Variants in NPHP1 observed in about 807,000 individuals in gnomAD.
NPHP1 encodes nephrocystin-1.
A neutral mutation model predicts 90.4 loss-of-function variants in NPHP1; 70 were observed. The ratio of observed to expected loss-of-function variants is 0.77; its 90% confidence interval spans 0.64 to 0.95. The LOEUF is 0.95. Among genes scored for constraint, NPHP1 ranks in the 40% least tolerant of loss-of-function variants. The probability of loss-of-function intolerance (pLI) is 0.00; values close to 1 mark genes in which losing one functional copy is unlikely to be tolerated. For missense variants in NPHP1, 764 were observed against 795.9 expected, an observed-to-expected ratio of 0.96 and a Z score of 0.48; for synonymous variants, 256 against 271.7, an observed-to-expected ratio of 0.94 and a Z score of 0.57.
chr2:110,178,482 G>C lies in NPHP1; in HGVS notation c.270C>G (p.Asp90Glu). The change falls in exon 4 of 20, where the codon GAC (aspartate) becomes GAG (glutamate). Residue 90 changes from aspartate to glutamate, a missense_variant. Transcript: ENST00000445609. ...QRKEEEHTLL[D>E]KLTQQLQGLA... ...GGCCCTGCAGTTGTTGGGTAAGCTT[G>C]TCCAAAAGAGTATGCTCCTCTTCTT... The C allele has an allele frequency of 6.2e-7, 1 of 1,613,774 alleles. No individual in the cohort carries two copies. The highest frequency in any genetic ancestry group is 1.3e-5 in the African/African-American group (1 of 75,026).
chr2:110,124,241 CAG>C (rs1679194717), intron 19 of NPHP1, 178 bp from the exon 20 acceptor site: 1 of 692,652 alleles, frequency 1.4e-6, no homozygotes, highest in Non-Finnish European at 2.6e-6. Flanking sequence ...TGGAAGTGAG[CAG>C]AGTTACACAG....
intron 19 of NPHP1, 47 bp downstream of exon 19, chr2:110,125,590 A>T (rs372552107): frequency 1.7e-5 from 25 of 1,513,048 alleles, no homozygotes. Flanking sequence ...GCAAGCAAAC[A>T]CCAGGTACTG....
chr2:110,167,651 A>C (rs749787830), intron 6 of NPHP1, among the ~76,000 whole-genome samples: 3 of 152,148 alleles, frequency 2.0e-5, no homozygotes, highest in Non-Finnish European at 4.4e-5. Flanking sequence ...CTAGTAAATT[A>C]CTGAACCCCT....
intron 18 of NPHP1, chr2:110,127,204 T>G (rs998083099): frequency 6.6e-6 from 1 of 152,204 alleles, no homozygotes; most frequent in Non-Finnish European, 1.5e-5. Flanking sequence ...CAGCTACTTG[T>G]TCCAGATGGT....
In NPHP1 at chr2:110,123,924, T is replaced by C. The variant is rs1574045265; in HGVS notation, c.1901A>G (p.Asp634Gly). The C allele has an allele frequency of 1.2e-6, 2 of 1,614,080 alleles. No individual in the cohort carries two copies. The highest frequency in any genetic ancestry group is 4.5e-5 in the East Asian group (2 of 44,884). The change falls in exon 20 of 20, where the codon GAC becomes GGC. Residue 634 changes from aspartate (D) to glycine (G), a missense_variant. Coordinates refer to ENST00000445609, the MANE Select transcript of NPHP1 (RefSeq NM_001128178.3). ...GTTTTCTTGGTTTTGCTTAAGGAAGTCAGTGATAACTTTCCACCGTGCAGT... is the reference window on the plus strand; with the variant it reads ...GTTTTCTTGGTTTTGCTTAAGGAAGCCAGTGATAACTTTCCACCGTGCAGT... The part of the protein sequence containing the change: ...TETARWKVIT[D>G]FLKQNQENQG...
intron 5 of NPHP1, among the ~76,000 whole-genome samples, chr2:110,169,296 C>T (rs1351867754): frequency 6.6e-6 from 1 of 152,008 alleles, no homozygotes; most frequent in Non-Finnish European, 1.5e-5. Context: ...TTCATATATT[C>T]ACTTAAATTT....
intron 4 of NPHP1, chr2:110,178,075 G>T: frequency 3.1e-6 from 1 of 326,870 alleles, no homozygotes; most frequent in Non-Finnish European, 5.6e-6. Context: ...TTTATGAAAG[G>T]GAGAACAATG....
intron 17 of NPHP1, among the ~76,000 whole-genome samples, chr2:110,130,554 C>T (rs1402999106): frequency 6.6e-6 from 1 of 152,132 alleles, no homozygotes; most frequent in Non-Finnish European, 1.5e-5. Flanking sequence ...CCTTTGAGTT[C>T]CACTTCTACC....
intron 16 of NPHP1, among the ~76,000 whole-genome samples, chr2:110,142,841 A>G (rs1680749918): frequency 6.6e-6 from 1 of 152,206 alleles, no homozygotes; most frequent in Non-Finnish European, 1.5e-5. Context: ...CTTTTGCACC[A>G]TGGTAAAGTT....
intron 2 of NPHP1, chr2:110,184,557 G>T: frequency 7.6e-7 from 1 of 1,318,512 alleles, no homozygotes; most frequent in Non-Finnish European, 1.1e-6. Context: ...CACCCATGCT[G>T]TGCCCATCTA....
At position 110,129,193 on chromosome 2, in the gene NPHP1, G is replaced by T; in HGVS notation, c.1709C>A (p.Ala570Asp). The T allele has an allele frequency of 6.2e-7, 1 of 1,612,192 alleles. No individual in the cohort carries two copies. ...GCAATGCATGCTACCCACCCTGAGA[G>T]CATCCATCACATCAGGCTGCTCCAA... ...MLLEQPDVMD[A>D]LRSSWAGKES... Residue 570 changes from alanine to aspartate, a missense_variant, in exon 18 of 20, where the codon GCT becomes GAT. Transcript: ENST00000445609.
chr2:110,124,254 A>G, intron 19 of NPHP1, 191 bp from the exon 20 acceptor site: 1 of 667,650 alleles, frequency 1.5e-6, no homozygotes, highest in Non-Finnish European at 2.7e-6. Flanking sequence ...AGTTACACAG[A>G]GTACAGTGGA....
At chr2:110,184,523 G>A (rs555459093) in intron 2 of NPHP1, 23 of 1,212,948 alleles carry the variant, frequency 1.9e-5, no homozygotes, top group South Asian at 9.3e-5. Context: ...CCACGGGGGT[G>A]GTGCTGGATT....
intron 17 of NPHP1, 90 bp downstream of exon 17, chr2:110,131,589 C>T: frequency 1.3e-6 from 1 of 784,654 alleles, no homozygotes; most frequent in Non-Finnish European, 2.3e-6. Flanking sequence ...AAAGTCACAA[C>T]CAGAAACAGA....
Position 110,204,138 on chromosome 2 carries a change from T to G in NPHP1, c.69+762A>C, listed in dbSNP as rs138267885. ...CATAGCAGATCCCTGGAAATGTAAT[T>G]TTTGAGCCTAGGTGCATACACATAT... On this transcript the variant is annotated intron_variant, in intron 1 of 19. Transcript: ENST00000445609. 2.9e-3 allele frequency among the ~76,000 whole-genome samples: 449 copies of G among 152,254 alleles called. 2 individuals carry two copies. The highest frequency in any genetic ancestry group is 4.1e-3 in the Non-Finnish European group (276 of 68,014).
chr2:110,158,727 A>G (rs1262341743), intron 11 of NPHP1, among the ~76,000 whole-genome samples: 1 of 151,754 alleles, frequency 6.6e-6, no homozygotes, highest in Admixed American at 6.6e-5. Flanking sequence ...TTACATGTTG[A>G]CTATCTTTTT....
intron 16 of NPHP1, among the ~76,000 whole-genome samples, chr2:110,136,269 G>A (rs1219909069): frequency 6.6e-6 from 1 of 152,142 alleles, no homozygotes; most frequent in Non-Finnish European, 1.5e-5. Context: ...GCACAAGACA[G>A]GGATGTCCTC....
chr2:110,180,886 G>C (rs1435930341), intron 2 of NPHP1, among the ~76,000 whole-genome samples: 1 of 152,168 alleles, frequency 6.6e-6, no homozygotes, highest in African/African-American at 2.4e-5. Context: ...GAACTGTGTG[G>C]TGTCTCAGCA....
intron 16 of NPHP1, among the ~76,000 whole-genome samples, chr2:110,137,482 AAAAC>A (rs1559051110): frequency 6.6e-6 from 1 of 152,168 alleles, no homozygotes; most frequent in Non-Finnish European, 1.5e-5. Flanking sequence ...TTACAAGAAA[AAAAC>A]AAACAACCCC....
Sources: gnomAD v4.1 joint callset for allele counts (sites outside exome capture counted in the v4.1 genomes callset) on GRCh38, gnomAD v4.1.1 for gene constraint, MANE v1.5 for transcripts, NCBI Gene and HGNC (gene_info 2026-07-23, HGNC 2026-07-21) for gene names.